The following PNP variants were observed in gnomAD, a reference collection of about 807,000 sequenced individuals.
The protein encoded by PNP is HEL-S-156an.
In PNP, 18 loss-of-function variants were observed where a neutral mutation model predicts 26.8. The ratio of observed to expected loss-of-function variants is 0.67; its 90% CI spans 0.46 to 1.00. PNP has a LOEUF of 1.00. Ranked by LOEUF, PNP falls within the 50% of genes least tolerant of loss-of-function variation. The pLI is 0.00. For missense variants in PNP, 320 were observed against 362.9 expected (o/e 0.88, Z 0.96); for synonymous variants, 116 against 124.8 (o/e 0.93, Z 0.47).
chr14:20,475,058 C>T lies in PNP; in HGVS notation c.462-4C>T, dbSNP rs1882069174. 1 of 1,614,124 alleles carries T rather than the reference C, an allele frequency of 6.2e-7. No individual in the cohort carries two copies. Among genetic ancestry groups the T allele is most frequent in the Non-Finnish European group, 8.5e-7 (1 of 1,179,978 alleles). On this transcript the variant is annotated splice_region_variant and splice_polypyrimidine_tract_variant and intron_variant, in intron 4 of 5. Transcript: ENST00000361505. ...TATGTGAGATAATTCAACCTGTGTC[C>T]TAGGTTTGGAGATCGTTTCCCTGCC...
Position 20,476,349 on chromosome 14 carries a change from T to G in PNP, c.653-35T>G, listed in dbSNP as rs1260534553. ...GGCAAGGAAAAGAGTTATTTGAGGA[T>G]CCTGACAGTTGGTTTCCATCTTTCT... On this transcript the variant is annotated intron_variant, in intron 5 of 5. Transcript: ENST00000361505. 6 of 1,477,966 alleles carry G rather than the reference T, an allele frequency of 4.1e-6. No homozygotes were observed. In the East Asian group the frequency reaches 1.1e-4, roughly 28 times the overall value. The allele number at this position is 1,477,966 out of a possible 1,614,324, so 91.6% of individuals were successfully genotyped here.
intron 1 of PNP, 85 bp downstream of exon 1, chr14:20,469,620 G>A (rs974685797): frequency 6.6e-7 from 1 of 1,524,592 alleles, no homozygotes; most frequent in African/African-American, 1.4e-5. Context: ...CCCAGAGGGA[G>A]CTGGCGGAGG....
chr14:20,472,156 A>T, intron 1 of PNP, 152 bp from the exon 2 acceptor site: 1 of 734,776 alleles, frequency 1.4e-6, no homozygotes, highest in Admixed American at 1.9e-5. Context: ...GGCTGAGTAG[A>T]TGGAAGAGCA....
Position 20,469,460 on chromosome 14 carries a change from C to G in PNP, c.-65C>G, listed in dbSNP as rs939449841. The G allele has an allele frequency of 1.6e-5, 25 of 1,547,246 alleles. No individual in the cohort carries two copies. In the Middle Eastern group the frequency reaches 6.8e-4, roughly 42 times the overall value. On this transcript the variant is annotated 5_prime_UTR_variant, in exon 1 of 6. In the 5' UTR this introduces an upstream ATG that the reference lacks. Coordinates refer to ENST00000361505, the MANE Select transcript of PNP (RefSeq NM_000270.4). ...CTCAGTTCAGCATAGCGGAGCGGAT[C>G]CGATCGGATCGGAGCGGATCGGAGC...
intron 5 of PNP, among the ~76,000 whole-genome samples, chr14:20,475,594 C>G (rs1882087554): frequency 6.6e-6 from 1 of 152,040 alleles, no homozygotes; most frequent in Non-Finnish European, 1.5e-5. Flanking sequence ...AAGCAATTCT[C>G]ATGCCTCAGC....
intron 1 of PNP, among the ~76,000 whole-genome samples, chr14:20,471,539 C>T (rs1415309334): frequency 6.6e-6 from 1 of 151,990 alleles, no homozygotes; most frequent in Non-Finnish European, 1.5e-5. Flanking sequence ...CCTTTGACAA[C>T]CAGTACTGTG....
In PNP at chr14:20,476,571, C is replaced by T. The variant is rs370513543; in HGVS notation, c.840C>T (p.Ala280=). The T allele has an allele frequency of 1.2e-6, 2 of 1,614,064 alleles. No individual in the cohort carries two copies. The highest frequency in any genetic ancestry group is 1.3e-5 in the African/African-American group (1 of 74,922). ...AACAGTTTGTCTCCATTCTTATGGC[C>T]AGCATTCCACTCCCTGACAAAGCCA... ...KLEQFVSILM[A]SIPLPDKAS Residue 280 remains alanine, a synonymous_variant, in exon 6 of 6, where the codon GCC becomes GCT. Coordinates refer to ENST00000361505, the MANE Select transcript of PNP (RefSeq NM_000270.4).
At chr14:20,475,638 C>T (rs8019880) in intron 5 of PNP, among the ~76,000 whole-genome samples, 4,266 of 152,180 alleles carry the variant, frequency 0.028, 200 homozygotes, top group African/African-American at 0.097. Flanking sequence ...ACGTGTGCCA[C>T]CACGCCCGGT....
chr14:20,476,740 T>C lies in PNP; in HGVS notation c.*139T>C, dbSNP rs754595756. On this transcript the variant is annotated 3_prime_UTR_variant, in exon 6 of 6. Transcript: ENST00000361505. ...GATTCCTGTCCTTCACCTTTCCCAC[T>C]TTCTTCTACCAGACCCTTCTGGTGC... 8 of 740,692 alleles carry C rather than the reference T, an allele frequency of 1.1e-5. No homozygotes were observed. Among genetic ancestry groups the C allele is most frequent in the Non-Finnish European group, 1.9e-5 (8 of 419,366 alleles). 45.9% of individuals were successfully genotyped at this position (740,692 alleles called of 1,614,324 possible).
chr14:20,476,268 G>T, intron 5 of PNP, 116 bp from the exon 6 acceptor site: 1 of 872,896 alleles, frequency 1.1e-6, no homozygotes. Flanking sequence ...CACTGCACCC[G>T]GCCATCTTTG....
intron 1 of PNP, chr14:20,469,865 T>G: frequency 3.7e-6 from 2 of 539,956 alleles, no homozygotes; most frequent in Non-Finnish European, 6.7e-6. Context: ...AGTATATGTA[T>G]ATATCCCTCA....
chr14:20,472,378 G>T lies in PNP; in HGVS notation c.82G>T (p.Ala28Ser). 1 of 1,613,780 alleles carries T rather than the reference G, an allele frequency of 6.2e-7. No individual in the cohort carries two copies. Among genetic ancestry groups the T allele is most frequent in the Non-Finnish European group, 8.5e-7 (1 of 1,179,642 alleles). The change falls in exon 2 of 6, where the codon GCA (alanine) becomes TCA (serine). Residue 28 changes from alanine (A) to serine (S), a missense_variant. By Grantham distance (99) the Ala-to-Ser change is moderately conservative (BLOSUM62 1). Coordinates refer to ENST00000361505, the MANE Select transcript of PNP (RefSeq NM_000270.4). ...LSHTKHRPQVAIICGSGLGGL... is the reference protein window; with the variant it reads ...LSHTKHRPQVSIICGSGLGGL... ...TCACACTAAGCACCGACCTCAAGTT[G>T]CAATAATCTGTGGTTCTGGATTAGG...
rs1882118919 is a variant in PNP at position 20,476,554 on chromosome 14, G to T, written c.823G>T (p.Val275Phe). The part of the protein sequence containing the change: ...KQAAQKLEQF[V>F]SILMASIPLP... ...AGCTGCACAGAAATTGGAACAGTTT[G>T]TCTCCATTCTTATGGCCAGCATTCC... The change falls in exon 6 of 6, where the codon GTC (valine) becomes TTC (phenylalanine). Residue 275 changes from valine to phenylalanine, a missense_variant. Coordinates refer to ENST00000361505, the MANE Select transcript of PNP (RefSeq NM_000270.4). The T allele has an allele frequency of 6.2e-7, 1 of 1,614,078 alleles. No individual in the cohort carries two copies. Among genetic ancestry groups the T allele is most frequent in the Non-Finnish European group, 8.5e-7 (1 of 1,180,040 alleles).
At position 20,474,957 on chromosome 14, in the gene PNP, G is replaced by C; in HGVS notation, c.461+9G>C. ...GGGCCCAATGATGAAAGGTATGTAT[G>C]TTACTCCGTTTTTTTTAGGTGGGTA... On this transcript the variant is annotated intron_variant, in intron 4 of 5. Coordinates refer to ENST00000361505, the MANE Select transcript of PNP (RefSeq NM_000270.4). 2 of 1,614,156 alleles carry C rather than the reference G, an allele frequency of 1.2e-6. No individual in the cohort carries two copies. Among genetic ancestry groups the C allele is most frequent in the Non-Finnish European group, 1.7e-6 (2 of 1,180,004 alleles).
intron 1 of PNP, 153 bp downstream of exon 1, chr14:20,469,688 G>A (rs760186085): frequency 3.7e-6 from 4 of 1,073,326 alleles, no homozygotes; most frequent in Non-Finnish European, 5.5e-6. Context: ...TCGGGAGCAA[G>A]GCGGCAGAGT....
chr14:20,472,575 C>A (rs1254591053), intron 2 of PNP, 98 bp downstream of exon 2: 2 of 1,131,874 alleles, frequency 1.8e-6, no homozygotes, highest in Non-Finnish European at 2.6e-6. Context: ...CTTGACCTAG[C>A]ATTTCACTGA....
At chr14:20,473,947 T>C (rs1483091368) in intron 2 of PNP, 1 of 169,168 alleles carries the variant, frequency 5.9e-6, no homozygotes. Context: ...GTGACGTCTG[T>C]GCTTTAGTGT....
rs1882126516 is a variant in PNP at position 20,476,827 on chromosome 14, A to AAT, written c.*228_*229dup. 2 of 570,142 alleles carry AAT rather than the reference A, an allele frequency of 3.5e-6. No homozygotes were observed. Among genetic ancestry groups the AAT allele is most frequent in the African/African-American group, 3.7e-5 (2 of 53,510 alleles). The allele number at this position is 570,142 out of a possible 1,614,324, so 35.3% of individuals were successfully genotyped here. On this transcript the variant is annotated 3_prime_UTR_variant, in exon 6 of 6. Transcript: ENST00000361505. ...GCATAGTGAGACCTTGGCGCTACAA[A>AAT]ATAAAGCTGTTCTCATTCCTGTTCT... is the stretch of plus-strand genomic sequence containing the variant.
In PNP at chr14:20,469,415, AACCAG is replaced by A; in HGVS notation, c.-106_-102del. On this transcript the variant is annotated 5_prime_UTR_variant, in exon 1 of 6. Coordinates refer to ENST00000361505, the MANE Select transcript of PNP (RefSeq NM_000270.4). Reference sequence around the variant, plus strand: ...CCTAGACCAGTGAGCCAACTGTGCGAACCAGACCCGGCAGCCTTGCTCAGTTCAGC... The same window carrying A: ...CCTAGACCAGTGAGCCAACTGTGCGAACCCGGCAGCCTTGCTCAGTTCAGC... 2 of 1,453,304 alleles carry A rather than the reference AACCAG, an allele frequency of 1.4e-6. No individual in the cohort carries two copies. Among genetic ancestry groups the A allele is most frequent in the Non-Finnish European group, 1.9e-6 (2 of 1,059,046 alleles). The allele number at this position is 1,453,304 out of a possible 1,614,324, so 90.0% of individuals were successfully genotyped here. A position where few individuals can be genotyped will look rare whatever the true frequency, so the allele number is the denominator to read the frequency against.
Sources: gnomAD v4.1 joint callset for allele counts (sites outside exome capture counted in the v4.1 genomes callset) on GRCh38, gnomAD v4.1.1 for gene constraint, MANE v1.5 for transcripts, NCBI Gene and HGNC (gene_info 2026-07-23, HGNC 2026-07-21) for gene names.